Variants in TRIM14 observed in about 807,000 individuals in gnomAD.
TRIM14 encodes tripartite motif-containing protein 14.
Under a neutral mutation model 44.5 loss-of-function variants are expected in TRIM14, and 28 were observed. The ratio of observed to expected loss-of-function variants is 0.63; its 90% confidence interval spans 0.47 to 0.86. The LOEUF is 0.86. Among genes scored for constraint, TRIM14 ranks in the 40% least tolerant of loss-of-function variants. The probability of loss-of-function intolerance (pLI) is 0.00; values close to 1 mark genes in which losing one functional copy is unlikely to be tolerated. For synonymous variants in TRIM14, 299 were observed against 269.2 expected, an observed-to-expected ratio of 1.11 and a Z score of -1.08; for missense variants, 607 against 611.1, an observed-to-expected ratio of 0.99 and a Z score of 0.07.
rs10606237 is a variant in TRIM14, at chr9:98,073,271, C to CTTTTTTTTT, written c.*29-3593_*29-3585dup. 2.9e-4 allele frequency among the ~76,000 whole-genome samples: 17 copies of CTTTTTTTTT among 57,848 alleles called. 1 individual carries two copies. Among genetic ancestry groups the CTTTTTTTTT allele is most frequent in the East Asian group, 1.4e-3 (2 of 1,448 alleles). 38.0% of individuals were successfully genotyped at this position (57,848 alleles called of 152,430 possible). A position where few individuals can be genotyped will look rare whatever the true frequency, so the allele number is the denominator to read the frequency against. On this transcript the variant is annotated intron_variant, in intron 6 of 6. Coordinates refer to the TRIM14 transcript ENST00000375098. ...GTTCTCCCCAGCTCATCACCATGGG[C>CTTTTTTTTT]TTTTTTTTTTTTTTTTTTTTTTTTT...
At chr9:98,059,893 A>G in the TRIM14 span, among the ~76,000 whole-genome samples, 1 of 152,252 alleles carries the variant, frequency 6.6e-6, no homozygotes. Context: ...CAAAGCAGCT[A>G]AAAGCAGAGT....
At chr9:98,037,286 G>A in the TRIM14 span, among the ~76,000 whole-genome samples, 10 of 152,206 alleles carry the variant, frequency 6.6e-5, no homozygotes, top group African/African-American at 2.4e-4. Flanking sequence ...GCTGAAGCAG[G>A]AGAATTGATC....
At chr9:98,079,518 C>G (rs1272439912), downstream of TRIM14, among the ~76,000 whole-genome samples, 1 of 152,050 alleles carries the variant, frequency 6.6e-6, no homozygotes, top group Non-Finnish European at 1.5e-5. Context: ...CTCTTTTTAC[C>G]TAAACTTTCT....
At chr9:98,101,963 A>G (rs1826410965) in intron 2 of TRIM14, among the ~76,000 whole-genome samples, 1 of 149,926 alleles carries the variant, frequency 6.7e-6, no homozygotes, top group Non-Finnish European at 1.5e-5. Flanking sequence ...AGCTGAGATC[A>G]GGCCGCTGCA....
chr9:98,045,517 A>G, the TRIM14 span, among the ~76,000 whole-genome samples: 1 of 152,158 alleles, frequency 6.6e-6, no homozygotes, highest in Non-Finnish European at 1.5e-5. Context: ...GCTGTAACCA[A>G]TCCAGTTGTT....
downstream of TRIM14, among the ~76,000 whole-genome samples, chr9:98,065,239 C>A (rs893354739): frequency 6.7e-6 from 1 of 150,130 alleles, no homozygotes; most frequent in Non-Finnish European, 1.5e-5. Flanking sequence ...TGTTTTTCAA[C>A]AGAGAATTAC....
the TRIM14 span, among the ~76,000 whole-genome samples, chr9:98,059,239 G>A: frequency 6.6e-6 from 1 of 152,014 alleles, no homozygotes; most frequent in Non-Finnish European, 1.5e-5. Context: ...TAGCCAGGAT[G>A]GTCTCGATCT....
chr9:98,107,956 C>T (rs1034571092), intron 2 of TRIM14, among the ~76,000 whole-genome samples: 1 of 152,114 alleles, frequency 6.6e-6, no homozygotes, highest in Admixed American at 6.5e-5. Flanking sequence ...GCATGAGCCA[C>T]CTCGCTTGGC....
In TRIM14 at chr9:98,087,888, C is replaced by T; in HGVS notation, c.911G>A (p.Arg304Gln). ...LGSLGPVPVL[R>Q]FDALWQVLAR... ...CAGCACTTGCCAGAGCGCGTCGAAC[C>T]GCAGCACGGGCACGGGCCCCAGGCT... The change falls in exon 6 of 6, where the codon CGG (arginine) becomes CAG (glutamine). Residue 304 changes from arginine to glutamine, a missense_variant. Around this residue, in one of 3 missense-constraint regions of TRIM14, gnomAD observed 356 missense variants for 323.0 expected, o/e 1.10. Transcript: ENST00000341469. The T allele has an allele frequency of 1.3e-6, 2 of 1,569,562 alleles. No individual in the cohort carries two copies. The highest frequency in any genetic ancestry group is 1.7e-6 in the Non-Finnish European group (2 of 1,167,930).
At chr9:98,079,894 C>T (rs1227344646), downstream of TRIM14, among the ~76,000 whole-genome samples, 2 of 152,198 alleles carry the variant, frequency 1.3e-5, no homozygotes, top group Admixed American at 6.5e-5. Flanking sequence ...AGGCCTTTGC[C>T]ACCTAACCCT....
At chr9:98,103,939 C>G (rs7030321) in intron 2 of TRIM14, among the ~76,000 whole-genome samples, 1 of 152,042 alleles carries the variant, frequency 6.6e-6, no homozygotes, top group Non-Finnish European at 1.5e-5. Flanking sequence ...CAGCCAGTCA[C>G]GAGGGGTGGG....
At chr9:98,102,225 A>G (rs1826425881) in intron 2 of TRIM14, among the ~76,000 whole-genome samples, 1 of 152,110 alleles carries the variant, frequency 6.6e-6, no homozygotes, top group Non-Finnish European at 1.5e-5. Context: ...GCACAACCTT[A>G]GAAAACTCCA....
At chr9:98,073,603 T>C (rs1458689244) in intron 6 of TRIM14, among the ~76,000 whole-genome samples, 1 of 150,560 alleles carries the variant, frequency 6.6e-6, no homozygotes, top group African/African-American at 2.4e-5. Context: ...TTTTTTTTTT[T>C]CCAATCCTGA....
chr9:98,109,783 C>T, intron 2 of TRIM14, 106 bp downstream of exon 2: 1 of 861,844 alleles, frequency 1.2e-6, no homozygotes, highest in South Asian at 1.5e-5. Flanking sequence ...ACCATCTGCC[C>T]CTTCGCAGTT....
At chr9:98,052,510 T>A in the TRIM14 span, among the ~76,000 whole-genome samples, 1 of 152,174 alleles carries the variant, frequency 6.6e-6, no homozygotes, top group South Asian at 2.1e-4. Context: ...TGTTAAATTT[T>A]TGTTTTGTTT....
At chr9:98,111,055 C>T (rs1024249414) in intron 1 of TRIM14, among the ~76,000 whole-genome samples, 1 of 150,880 alleles carries the variant, frequency 6.6e-6, no homozygotes, top group South Asian at 2.1e-4. Flanking sequence ...CTGTCCCCCC[C>T]CCCAAAAAAA....
Position 98,073,836 on chromosome 9 carries a change from G to A in TRIM14, c.*29-4149C>T, listed in dbSNP as rs115595452. Among the ~76,000 whole-genome samples the A allele has an allele frequency of 6.4e-3, 972 of 151,670 alleles. 6 individuals carry two copies. Among genetic ancestry groups the A allele is most frequent in the African/African-American group, 0.022 (919 of 41,028 alleles). ...ATTTTTTGTTTTGTCACCCAGGCTG[G>A]AGTGCAGTGACACGACCTCAGCTCA... On this transcript the variant is annotated intron_variant, in intron 6 of 6. Transcript: ENST00000375098.
Position 98,095,459 on chromosome 9 carries a change from A to G in TRIM14, c.538-430T>C, listed in dbSNP as rs1429288889. ...GAGAGGTCAGTCTCCCTGGGGAAGGAGCACCTGGAGCTTATTCAAAGGTGG... is the reference window on the plus strand; with the variant it reads ...GAGAGGTCAGTCTCCCTGGGGAAGGGGCACCTGGAGCTTATTCAAAGGTGG... On this transcript the variant is annotated intron_variant, in intron 3 of 5. Transcript: ENST00000341469. This position sits in a 1 kb window ranked among gnomAD's most constrained non-coding sequence, Gnocchi z 4.1. Among the ~76,000 whole-genome samples, 1 of 152,130 alleles carries G rather than the reference A, an allele frequency of 6.6e-6. No individual in the cohort carries two copies. Among genetic ancestry groups the G allele is most frequent in the Non-Finnish European group, 1.5e-5 (1 of 68,008 alleles).
At chr9:98,078,975 T>C (rs1481474044) in intron 6 of TRIM14, among the ~76,000 whole-genome samples, 1 of 152,182 alleles carries the variant, frequency 6.6e-6, no homozygotes, top group Non-Finnish European at 1.5e-5. Context: ...ATAGGAGGCC[T>C]TCTTGAAACT....
Sources: gnomAD v4.1 joint callset for allele counts (sites outside exome capture counted in the v4.1 genomes callset) on GRCh38, gnomAD v4.1.1 for gene constraint, gnomAD v4.1.1 regional missense constraint, Gnocchi (gnomAD v3.1) non-coding constraint, MANE v1.5 for transcripts, NCBI Gene and HGNC (gene_info 2026-07-23, HGNC 2026-07-21) for gene names.